Variants in CSMD1 observed in about 807,000 individuals in gnomAD.
CSMD1 encodes the protein CUB and sushi domain-containing protein 1.
In CSMD1, 213 loss-of-function variants were observed where a neutral mutation model predicts 417.5. That is an observed-to-expected ratio of 0.51 (90% confidence interval 0.46 to 0.57). The LOEUF (loss-of-function observed/expected upper bound fraction) is 0.57. Ranked by LOEUF, CSMD1 falls within the 20% of genes least tolerant of loss-of-function variation. The pLI is 0.00. For synonymous variants in CSMD1, 2,862 were observed against 1,736.8 expected, an observed-to-expected ratio of 1.65 and a Z score of -16.11; for missense variants, 6,923 against 4,529.7, an observed-to-expected ratio of 1.53 and a Z score of -15.17.
At chr8:3,318,100 C>A (rs1296431712) in intron 23 of CSMD1, among the ~76,000 whole-genome samples, 1 of 152,192 alleles carries the variant, frequency 6.6e-6, no homozygotes, top group East Asian at 1.9e-4. Context: ...CACATTTGGC[C>A]TTCTCCCTGA....
intron 35 of CSMD1, among the ~76,000 whole-genome samples, chr8:3,188,226 C>A (rs1796195120): frequency 8.1e-6 from 1 of 123,320 alleles, no homozygotes; most frequent in Non-Finnish European, 1.7e-5. Flanking sequence ...GTCTATCTAT[C>A]TATATATACA....
chr8:4,521,723 A>G (rs143616355), intron 2 of CSMD1, among the ~76,000 whole-genome samples: 1 of 152,196 alleles, frequency 6.6e-6, no homozygotes, highest in Admixed American at 6.5e-5. Context: ...ACATTTCAAT[A>G]GACATAGCTC....
At position 4,225,303 on chromosome 8, in the gene CSMD1, C is replaced by G. The variant is rs1801282161; in HGVS notation, c.416-193204G>C. Among the ~76,000 whole-genome samples, 8 of 152,156 alleles carry G rather than the reference C, an allele frequency of 5.3e-5. No homozygotes were observed. In the South Asian group the frequency reaches 8.3e-4, roughly 16 times the overall value. ...ATTATTTAATCATGTTTTAAACTTT[C>G]TTTTCTGAATCATCGAGACTTGATG... On this transcript the variant is annotated intron_variant, in intron 3 of 69. Transcript: ENST00000635120.
intron 1 of CSMD1, among the ~76,000 whole-genome samples, chr8:4,757,426 C>G (rs926866329): frequency 6.6e-6 from 1 of 152,136 alleles, no homozygotes; most frequent in Non-Finnish European, 1.5e-5. Flanking sequence ...CAATTATGAG[C>G]TGTGATCCTG....
intron 5 of CSMD1, among the ~76,000 whole-genome samples, chr8:3,918,426 G>T (rs923431181): frequency 6.6e-6 from 1 of 151,966 alleles, no homozygotes; most frequent in East Asian, 1.9e-4. Context: ...GTTTTGATTT[G>T]CGTTTGTCTG....
chr8:4,882,654 GT>G (rs968451846), intron 1 of CSMD1, among the ~76,000 whole-genome samples: 8 of 151,768 alleles, frequency 5.3e-5, no homozygotes, highest in Non-Finnish European at 1.0e-4. Context: ...TGTGTACAAC[GT>G]TGTAGACTCT....
chr8:2,963,436 C>T, intron 59 of CSMD1, 41 bp from the exon 60 acceptor site: 2 of 1,596,476 alleles, frequency 1.3e-6, no homozygotes, highest in Non-Finnish European at 1.7e-6. Flanking sequence ...TCCGGAGCTC[C>T]CGCTGCAGCG....
intron 26 of CSMD1, among the ~76,000 whole-genome samples, chr8:3,275,154 T>G (rs987895832): frequency 3.3e-5 from 5 of 152,168 alleles, no homozygotes; most frequent in African/African-American, 9.7e-5. Context: ...CATTTGCTTG[T>G]CTGTAAAGTA....
At chr8:3,872,415 A>G (rs943401396) in intron 5 of CSMD1, among the ~76,000 whole-genome samples, 6 of 152,152 alleles carry the variant, frequency 3.9e-5, no homozygotes, top group Non-Finnish European at 8.8e-5. Flanking sequence ...ACCTTCCTGA[A>G]GTGTCCAGTT....
chr8:3,327,427 C>G (rs1366411370), intron 23 of CSMD1, among the ~76,000 whole-genome samples: 4 of 152,158 alleles, frequency 2.6e-5, no homozygotes, highest in Admixed American at 2.6e-4. Flanking sequence ...GCCACCTCGT[C>G]CGGCCTACAA....
intron 5 of CSMD1, among the ~76,000 whole-genome samples, chr8:3,821,943 T>G (rs532684077): frequency 6.6e-6 from 1 of 152,210 alleles, no homozygotes; most frequent in Non-Finnish European, 1.5e-5. Flanking sequence ...GAGGTTTTCC[T>G]ACATTTCCAG....
chr8:3,887,764 T>A (rs903698352), intron 5 of CSMD1, among the ~76,000 whole-genome samples: 1 of 152,200 alleles, frequency 6.6e-6, no homozygotes, highest in Non-Finnish European at 1.5e-5. Context: ...AATATCTCCC[T>A]AAATGAACTG....
intron 3 of CSMD1, among the ~76,000 whole-genome samples, chr8:4,087,599 GTC>G (rs1224149407): frequency 1.3e-5 from 2 of 151,850 alleles, no homozygotes; most frequent in Admixed American, 6.6e-5. Flanking sequence ...CTAACTTTCT[GTC>G]TCTCTCTCAT....
At chr8:3,673,258 T>G (rs909614416) in intron 7 of CSMD1, among the ~76,000 whole-genome samples, 1 of 152,214 alleles carries the variant, frequency 6.6e-6, no homozygotes, top group Non-Finnish European at 1.5e-5. Flanking sequence ...ATTGAACACA[T>G]GCTCTTTGTC....
chr8:4,598,512 G>C (rs1478270), intron 2 of CSMD1, among the ~76,000 whole-genome samples: 21 of 152,254 alleles, frequency 1.4e-4, no homozygotes, highest in Non-Finnish European at 2.8e-4. Context: ...CCAGCTACAG[G>C]TGTGGCTGCT....
Position 4,811,138 on chromosome 8 carries a change from G to C in CSMD1, c.86-173580C>G, listed in dbSNP as rs574214706. ...TGGCAACACATAAATGATCAAGTGA[G>C]AAAAATAAGGCTGTAGTGGCATCAA... On this transcript the variant is annotated intron_variant, in intron 1 of 69. Transcript: ENST00000635120. Among the ~76,000 whole-genome samples the C allele has an allele frequency of 1.5e-3, 221 of 152,252 alleles. 1 individual carries two copies. Among genetic ancestry groups the C allele is most frequent in the African/African-American group, 5.2e-3 (216 of 41,570 alleles).
chr8:4,138,637 T>C (rs1258663921), intron 3 of CSMD1, among the ~76,000 whole-genome samples: 1 of 149,166 alleles, frequency 6.7e-6, no homozygotes, highest in African/African-American at 2.4e-5. Flanking sequence ...AAAAAACATC[T>C]CTTAAGGTTG....
chr8:4,362,149 G>T (rs552096756), intron 3 of CSMD1, among the ~76,000 whole-genome samples: 2 of 151,962 alleles, frequency 1.3e-5, no homozygotes, highest in Non-Finnish European at 2.9e-5. Context: ...TATGACAGAG[G>T]GTAATTCAAT....
At chr8:3,616,470 C>A (rs184644031) in intron 8 of CSMD1, among the ~76,000 whole-genome samples, 8 of 152,268 alleles carry the variant, frequency 5.3e-5, no homozygotes, top group South Asian at 2.1e-4. Flanking sequence ...TTATAAATTA[C>A]CCACTCTCTG....
Sources: gnomAD v4.1 joint callset for allele counts (sites outside exome capture counted in the v4.1 genomes callset) on GRCh38, gnomAD v4.1.1 for gene constraint, MANE v1.5 for transcripts, NCBI Gene and HGNC (gene_info 2026-07-23, HGNC 2026-07-21) for gene names.